Variants in PLS3 observed in about 807,000 individuals in gnomAD.
PLS3 encodes the protein plastin 3, also known as plastin-3.
PLS3 carries 11 observed loss-of-function variants against 46.5 expected under a neutral mutation model. That is an observed-to-expected ratio of 0.24 (90% confidence interval 0.15 to 0.39). The LOEUF (loss-of-function observed/expected upper bound fraction) is 0.39, where lower values mean the gene tolerates loss of function less well. Ranked by LOEUF, PLS3 falls within the 10% of genes least tolerant of loss-of-function variation. The pLI is 1.00. For synonymous variants in PLS3, 167 were observed against 162.2 expected (o/e 1.03, Z -0.22); for missense variants, 308 against 461.8 (o/e 0.67, Z 3.05).
intron 1 of PLS3, among the ~76,000 whole-genome samples, chrX:115,577,644 A>G (rs782726757): frequency 9.1e-6 from 1 of 110,496 alleles, no homozygotes; most frequent in South Asian, 3.9e-4. Context: ...CGTCTGGATA[A>G]TTTTTGTGTT....
chrX:115,597,181 G>T (rs5946082), intron 1 of PLS3, among the ~76,000 whole-genome samples: 6 of 109,554 alleles, frequency 5.5e-5, no homozygotes, highest in Middle Eastern at 4.7e-3. Context: ...ATATAATACA[G>T]ACAGAAAATT....
At chrX:115,647,382 G>C (rs925798372) in intron 13 of PLS3, among the ~76,000 whole-genome samples, 168 bp from the exon 14 acceptor site, 2 of 112,302 alleles carry the variant, frequency 1.8e-5, no homozygotes, top group African/African-American at 6.4e-5. Flanking sequence ...GCAGTGAGCA[G>C]GAGATTGCGC....
chrX:115,573,980 A>C (rs1191569762), intron 1 of PLS3, among the ~76,000 whole-genome samples: 4 of 111,277 alleles, frequency 3.6e-5, no homozygotes, highest in African/African-American at 9.8e-5. Flanking sequence ...CTGGGATTAC[A>C]GGCATGAGCC....
At chrX:115,630,158 C>T (rs904416761) in intron 5 of PLS3, among the ~76,000 whole-genome samples, 191 bp downstream of exon 5, 3 of 111,371 alleles carry the variant, frequency 2.7e-5, no homozygotes, top group Non-Finnish European at 5.6e-5. Context: ...AATCGACAAC[C>T]TCTTTATAGG....
chrX:115,610,671 G>A, intron 2 of PLS3: 1 of 319,986 alleles, frequency 3.1e-6, no homozygotes, highest in East Asian at 4.9e-5. Flanking sequence ...TTTCTGAAGA[G>A]GTTTGAAACT....
intron 2 of PLS3, among the ~76,000 whole-genome samples, chrX:115,620,795 G>C (rs2074645500): frequency 1.1e-5 from 1 of 90,633 alleles, no homozygotes; most frequent in Non-Finnish European, 2.1e-5. Context: ...CCAGGTTCAA[G>C]TGATTCTCCT....
chrX:115,648,409 C>T (rs1163578292), intron 15 of PLS3, among the ~76,000 whole-genome samples: 1 of 111,562 alleles, frequency 9.0e-6, no homozygotes, highest in Non-Finnish European at 1.9e-5. Flanking sequence ...TTTTACTATA[C>T]ATAGATCATT....
chrX:115,635,115 C>A, intron 7 of PLS3, 69 bp downstream of exon 7: 1 of 936,998 alleles, frequency 1.1e-6, no homozygotes, highest in Non-Finnish European at 1.5e-6. Context: ...GACTTTCGTG[C>A]TCTCACTTAA....
At chrX:115,630,887 G>A (rs2074763248) in intron 5 of PLS3, among the ~76,000 whole-genome samples, 1 of 88,364 alleles carries the variant, frequency 1.1e-5, no homozygotes, top group African/African-American at 4.3e-5. Flanking sequence ...GTATATATAT[G>A]TATAATATAT....
chrX:115,618,201 A>G (rs1353812443), intron 2 of PLS3, among the ~76,000 whole-genome samples: 1 of 112,190 alleles, frequency 8.9e-6, no homozygotes, highest in Non-Finnish European at 1.9e-5. Flanking sequence ...CATCTAATTT[A>G]AAACATCTCT....
chrX:115,569,052 A>G (rs1281112023), intron 1 of PLS3, among the ~76,000 whole-genome samples: 12 of 76,454 alleles, frequency 1.6e-4, no homozygotes, highest in African/African-American at 2.4e-4. Context: ...AAAAAAAAAA[A>G]AAGAAGAAGA....
chrX:115,602,554 TG>T (rs1556634777), intron 1 of PLS3, among the ~76,000 whole-genome samples: 1 of 111,634 alleles, frequency 9.0e-6, no homozygotes, highest in Non-Finnish European at 1.9e-5. Context: ...ATGCAAAGTG[TG>T]GGTGTTCAAA....
At chrX:115,636,308 G>A (rs1445362625) in intron 7 of PLS3, among the ~76,000 whole-genome samples, 4 of 104,780 alleles carry the variant, frequency 3.8e-5, no homozygotes, top group Non-Finnish European at 7.7e-5. Flanking sequence ...CCGGGTTCAC[G>A]CCATTCTCCT....
At chrX:115,568,572 TC>T (rs1312415247) in intron 1 of PLS3, among the ~76,000 whole-genome samples, 7 of 112,038 alleles carry the variant, frequency 6.2e-5, no homozygotes, top group African/African-American at 2.3e-4. Flanking sequence ...AACATTTGTT[TC>T]CATATCTTAC....
At chrX:115,638,872 C>G (rs1603244012) in intron 8 of PLS3, among the ~76,000 whole-genome samples, 1 of 109,449 alleles carries the variant, frequency 9.1e-6, no homozygotes, top group East Asian at 2.9e-4. Context: ...GCCACCATGC[C>G]TGGCTAATTT....
chrX:115,610,460 G>A (rs782262033), intron 2 of PLS3, 137 bp downstream of exon 2: 48 of 334,179 alleles, frequency 1.4e-4, no homozygotes, highest in African/African-American at 1.3e-3. Context: ...TAAAGTTTTG[G>A]AAGCTATACT....
At chrX:115,626,825 A>G (rs1399274011) in intron 3 of PLS3, among the ~76,000 whole-genome samples, 2 of 109,233 alleles carry the variant, frequency 1.8e-5, no homozygotes, top group Admixed American at 2.0e-4. Flanking sequence ...CATTCTATAT[A>G]TATGTATATA....
chrX:115,598,055 C>A (rs2147459333), intron 1 of PLS3, among the ~76,000 whole-genome samples: 1 of 111,118 alleles, frequency 9.0e-6, no homozygotes, highest in South Asian at 3.8e-4. Flanking sequence ...AACCTCAGCA[C>A]TTTTGGAGGC....
intron 2 of PLS3, among the ~76,000 whole-genome samples, chrX:115,612,861 A>G (rs939897891): frequency 8.9e-6 from 1 of 112,123 alleles, no homozygotes; most frequent in Middle Eastern, 4.6e-3. Flanking sequence ...TTTCTCAACA[A>G]TTGTTTCCAG....
Sources: allele counts gnomAD v4.1 joint callset (sites outside exome capture counted in the v4.1 genomes callset), GRCh38; gene constraint gnomAD v4.1.1; transcripts MANE v1.5; gene names NCBI Gene and HGNC (gene_info 2026-07-23, HGNC 2026-07-21).